Variants in PCCA observed in about 807,000 individuals in gnomAD.
PCCA encodes the protein propionyl-CoA carboxylase alpha chain, mitochondrial.
Under a neutral mutation model 101.3 loss-of-function variants are expected in PCCA, and 74 were observed. The ratio of observed to expected loss-of-function variants is 0.73; its 90% CI spans 0.61 to 0.89. The LOEUF is 0.89. PCCA is among the 40% of genes least tolerant of loss of function. The pLI is 0.00. For missense variants in PCCA, 891 were observed against 907.0 expected, an observed-to-expected ratio of 0.98 and a Z score of 0.23; for synonymous variants, 294 against 313.6, an observed-to-expected ratio of 0.94 and a Z score of 0.66.
At chr13:100,419,259 G>T (rs2078585259) in intron 19 of PCCA, among the ~76,000 whole-genome samples, 1 of 151,864 alleles carries the variant, frequency 6.6e-6, no homozygotes, top group Non-Finnish European at 1.5e-5. Flanking sequence ...ATCACTTGAG[G>T]TCAGAAGTTC....
At chr13:100,484,461 T>C (rs2084205752) in intron 21 of PCCA, among the ~76,000 whole-genome samples, 1 of 152,222 alleles carries the variant, frequency 6.6e-6, no homozygotes. Context: ...AGACTGCACC[T>C]CAAGTTTTTG....
chr13:100,399,835 C>A (rs910415058), intron 19 of PCCA, among the ~76,000 whole-genome samples: 3 of 152,130 alleles, frequency 2.0e-5, no homozygotes, highest in African/African-American at 7.2e-5. Flanking sequence ...TTCAGGTAAC[C>A]TTTTACAGCT....
At chr13:100,250,457 GTCA>G (rs1457774783) in intron 8 of PCCA, among the ~76,000 whole-genome samples, 5 of 151,958 alleles carry the variant, frequency 3.3e-5, no homozygotes, top group Non-Finnish European at 7.4e-5. Context: ...GGATTTTTTA[GTCA>G]TTTTAATATC....
intron 8 of PCCA, among the ~76,000 whole-genome samples, chr13:100,236,156 G>A (rs2060787764): frequency 6.6e-6 from 1 of 152,138 alleles, no homozygotes; most frequent in African/African-American, 2.4e-5. Flanking sequence ...TCTAAAGATT[G>A]GATATAAGTT....
intron 19 of PCCA, among the ~76,000 whole-genome samples, chr13:100,410,892 T>C (rs1303600682): frequency 1.3e-5 from 2 of 152,204 alleles, no homozygotes; most frequent in Admixed American, 6.5e-5. Flanking sequence ...CTGTGAAATA[T>C]ATTTAAAGTA....
intron 7 of PCCA, among the ~76,000 whole-genome samples, chr13:100,230,558 A>C (rs992738697): frequency 6.6e-6 from 1 of 151,644 alleles, no homozygotes. Context: ...AAAAAAAGAA[A>C]GAACGTGGCA....
intron 4 of PCCA, among the ~76,000 whole-genome samples, chr13:100,152,358 C>CT (rs5806152): frequency 0.048 from 6,674 of 138,442 alleles, 193 homozygotes; most frequent in Non-Finnish European, 0.062. Context: ...TTGGAGCACT[C>CT]TTTTTTTTTT....
At chr13:100,509,264 G>A (rs1039598256) in intron 21 of PCCA, among the ~76,000 whole-genome samples, 3 of 152,180 alleles carry the variant, frequency 2.0e-5, no homozygotes, top group Non-Finnish European at 4.4e-5. Flanking sequence ...TGTTCTCTGC[G>A]TAAAATGTTG....
chr13:100,396,049 G>C (rs2077031209), intron 19 of PCCA, among the ~76,000 whole-genome samples: 1 of 152,156 alleles, frequency 6.6e-6, no homozygotes, highest in African/African-American at 2.4e-5. Context: ...TTACCTAAGG[G>C]GATGGTAGAG....
intron 19 of PCCA, among the ~76,000 whole-genome samples, chr13:100,384,944 G>C (rs1416868436): frequency 6.6e-6 from 1 of 151,874 alleles, no homozygotes; most frequent in Non-Finnish European, 1.5e-5. Flanking sequence ...ATAGAAAATT[G>C]AGGTAAGTTT....
intron 8 of PCCA, among the ~76,000 whole-genome samples, chr13:100,241,165 T>C (rs1476618386): frequency 1.3e-5 from 2 of 152,186 alleles, no homozygotes; most frequent in African/African-American, 4.8e-5. Flanking sequence ...TTTACAAGGT[T>C]GTGTAACTGT....
At chr13:100,447,378 T>C (rs769034224) in intron 20 of PCCA, among the ~76,000 whole-genome samples, 1 of 140,740 alleles carries the variant, frequency 7.1e-6, no homozygotes, top group Non-Finnish European at 1.5e-5. Flanking sequence ...AGTGAAACTT[T>C]GTCTCAAAAA....
intron 8 of PCCA, among the ~76,000 whole-genome samples, chr13:100,253,862 T>A (rs1009418861): frequency 2.0e-5 from 3 of 151,862 alleles, no homozygotes; most frequent in Admixed American, 2.0e-4. Flanking sequence ...TGATTTTTTT[T>A]TTTTTTTTTT....
chr13:100,119,302 T>A (rs1012809322), intron 4 of PCCA, among the ~76,000 whole-genome samples: 2 of 152,300 alleles, frequency 1.3e-5, no homozygotes, highest in Admixed American at 1.3e-4. Context: ...TCCTGACTCT[T>A]CCTCATAACA....
chr13:100,405,888 T>C (rs2077645561), intron 19 of PCCA, among the ~76,000 whole-genome samples: 1 of 149,282 alleles, frequency 6.7e-6, no homozygotes, highest in South Asian at 2.2e-4. Flanking sequence ...TGCCTCAGCC[T>C]CCCGAGTAGC....
intron 22 of PCCA, among the ~76,000 whole-genome samples, chr13:100,524,438 C>G (rs1039206573): frequency 7.0e-6 from 1 of 143,128 alleles, no homozygotes; most frequent in African/African-American, 2.5e-5. Flanking sequence ...TTCTGTTGAG[C>G]AAGATGTATC....
At chr13:100,095,473 G>A (rs2046684171) in intron 1 of PCCA, among the ~76,000 whole-genome samples, 1 of 152,222 alleles carries the variant, frequency 6.6e-6, no homozygotes, top group African/African-American at 2.4e-5. Flanking sequence ...TTCAGAGAGT[G>A]AGAAGTGCTC....
chr13:100,103,025 C>G (rs1016570804), intron 2 of PCCA, 65 bp downstream of exon 2: 28 of 1,037,310 alleles, frequency 2.7e-5, no homozygotes, highest in Non-Finnish European at 4.1e-5. Context: ...TTTCTCGTCT[C>G]CACACTGTGT....
intron 18 of PCCA, among the ~76,000 whole-genome samples, chr13:100,344,985 G>A (rs1385253605): frequency 6.6e-6 from 1 of 152,174 alleles, no homozygotes; most frequent in Non-Finnish European, 1.5e-5. Flanking sequence ...CACGTGTAAG[G>A]TGGTGAACTT....
Sources: gnomAD v4.1 joint callset for allele counts (sites outside exome capture counted in the v4.1 genomes callset) on GRCh38, gnomAD v4.1.1 for gene constraint, MANE v1.5 for transcripts, NCBI Gene and HGNC (gene_info 2026-07-23, HGNC 2026-07-21) for gene names.